Variants in AREL1 observed in about 807,000 individuals in gnomAD.
AREL1 encodes apoptosis resistant E3 ubiquitin protein ligase 1, also known as apoptosis-resistant E3 ubiquitin protein ligase 1.
AREL1 carries 62 observed loss-of-function variants against 99.0 expected under a neutral mutation model. That is an observed-to-expected ratio of 0.63 (90% CI 0.51 to 0.77). The LOEUF (loss-of-function observed/expected upper bound fraction) is 0.77. Among genes scored for constraint, AREL1 ranks in the 30% least tolerant of loss-of-function variants. AREL1 has a pLI of 0.00. For synonymous variants in AREL1, 380 were observed against 376.5 expected (o/e 1.01, Z -0.11); for missense variants, 879 against 1,027.6 (o/e 0.86, Z 1.98).
intron 1 of AREL1, among the ~76,000 whole-genome samples, chr14:74,697,913 T>C (rs968161398): frequency 5.9e-5 from 9 of 152,274 alleles, no homozygotes; most frequent in South Asian, 2.1e-4. Flanking sequence ...TGGGGCATGC[T>C]AGAATGTGCT....
In AREL1 at chr14:74,683,382, A is replaced by C. The variant is rs762333583; in HGVS notation, c.395T>G (p.Val132Gly). The C allele has an allele frequency of 1.8e-5, 29 of 1,614,186 alleles. No individual in the cohort carries two copies. The highest frequency in any genetic ancestry group is 2.4e-5 in the Non-Finnish European group (28 of 1,180,034). The change falls in exon 5 of 20, where the codon GTG becomes GGG. Residue 132 changes from valine (V) to glycine (G), a missense_variant. Transcript: ENST00000356357. ...NSNVVKVAFT[V>G]RKAGRYEITV... ...GATTTCATAACGCCCAGCCTTGCGC[A>C]CAGTGAAGGCCACTTTTACTACGTT...
intron 11 of AREL1, chr14:74,672,149 G>T: frequency 3.3e-6 from 1 of 307,460 alleles, no homozygotes; most frequent in Non-Finnish European, 6.9e-6. Context: ...CTCTATTCCA[G>T]GGATTCAATA....
rs999503539 is a variant in AREL1 at position 74,663,077 on chromosome 14, C to T, written c.*643G>A. On this transcript the variant is annotated 3_prime_UTR_variant, in exon 20 of 20. Transcript: ENST00000356357. ...CTTCTTTGTGGATTAATAATCATTT[C>T]CAGAAATGCCCGAAGGGAAAGTGCT... 6.3e-6 allele frequency: 1 copy of T among 158,626 alleles called. No homozygotes were observed. Among genetic ancestry groups the T allele is most frequent in the Non-Finnish European group, 1.4e-5 (1 of 72,242 alleles). The allele number at this position is 158,626 out of a possible 1,614,324, so 9.8% of individuals were successfully genotyped here. A position where few individuals can be genotyped will look rare whatever the true frequency, so the allele number is the denominator to read the frequency against.
Position 74,675,805 on chromosome 14 carries a change from C to T in AREL1, c.974G>A (p.Arg325Gln), listed in dbSNP as rs1463904347. 1.3e-5 allele frequency: 21 copies of T among 1,614,062 alleles called. No homozygotes were observed. The highest frequency in any genetic ancestry group is 4.5e-5 in the East Asian group (2 of 44,876). Residue 325 changes from arginine (R) to glutamine (Q), a missense_variant, in exon 8 of 20, where the codon CGG becomes CAG. Arg to Gln is a conservative substitution (Grantham distance 43). Transcript: ENST00000356357. ...PPMHMTSSQR[R>Q]PSTAVDEEDE... ...TTCCTCGTCAACAGCAGTGGATGGC[C>T]GGCGCTGGGAAGAGGTCATGTGCAT...
At chr14:74,677,087 CCA>C (rs2089502239) in intron 5 of AREL1, among the ~76,000 whole-genome samples, 1 of 151,902 alleles carries the variant, frequency 6.6e-6, no homozygotes, top group Non-Finnish European at 1.5e-5. Context: ...GCGTGAGCCA[CCA>C]CGCCCGGCTG....
intron 2 of AREL1, among the ~76,000 whole-genome samples, chr14:74,688,022 T>A (rs2089786008): frequency 7.2e-6 from 1 of 139,364 alleles, no homozygotes; most frequent in Middle Eastern, 3.3e-3. Flanking sequence ...GTACTTACTT[T>A]TTTTTTTTTT....
At position 74,669,794 on chromosome 14, in the gene AREL1, C is replaced by T. The variant is rs1211043753; in HGVS notation, c.1789-20G>A. ...AAAGTACTGAGGAGGCAGAAAGACA[C>T]AGAACAGAACATGAATACTCTTGCC... On this transcript the variant is annotated intron_variant, in intron 14 of 19. Coordinates refer to ENST00000356357, the MANE Select transcript of AREL1 (RefSeq NM_001039479.2). 2 of 1,613,548 alleles carry T rather than the reference C, an allele frequency of 1.2e-6. No individual in the cohort carries two copies. The highest frequency in any genetic ancestry group is 1.3e-5 in the African/African-American group (1 of 74,924).
rs967396317 is a variant in AREL1, at chr14:74,676,854, T to G, written c.482-102A>C. ...CTCTTTCGCCCAGGCTGGAGTGCAG[T>G]GGCGCAATCTCGGCTCACTGCAAGC... is the stretch of plus-strand genomic sequence containing the variant. On this transcript the variant is annotated intron_variant, in intron 5 of 19. Coordinates refer to ENST00000356357, the MANE Select transcript of AREL1 (RefSeq NM_001039479.2). The G allele has an allele frequency of 2.5e-5, 24 of 964,538 alleles. No individual in the cohort carries two copies. The Admixed American group carries it at 6.2e-4, about 25-fold the overall frequency. The allele number at this position is 964,538 out of a possible 1,614,324, so 59.7% of individuals were successfully genotyped here. A position where few individuals can be genotyped will look rare whatever the true frequency, so the allele number is the denominator to read the frequency against.
chr14:74,702,727 A>T (rs1346418782), intron 1 of AREL1, among the ~76,000 whole-genome samples: 3 of 152,122 alleles, frequency 2.0e-5, no homozygotes, highest in Admixed American at 6.6e-5. Flanking sequence ...CAGGCTGCAA[A>T]TTTTCCAAAC....
intron 8 of AREL1, 53 bp from the exon 9 acceptor site, chr14:74,674,164 T>C: frequency 6.9e-7 from 1 of 1,450,014 alleles, no homozygotes; most frequent in East Asian, 2.3e-5. Context: ...AAAGGCTCTA[T>C]TTGGGTATTC....
chr14:74,682,862 C>T (rs1174272708), intron 5 of AREL1, among the ~76,000 whole-genome samples: 4 of 152,260 alleles, frequency 2.6e-5, no homozygotes, highest in Non-Finnish European at 5.9e-5. Context: ...GTGGAAGCTT[C>T]GCGAGGCCTC....
chr14:74,703,198 T>G (rs1056949931), intron 1 of AREL1, among the ~76,000 whole-genome samples: 11 of 152,192 alleles, frequency 7.2e-5, no homozygotes, highest in Non-Finnish European at 1.3e-4. Flanking sequence ...AAAGGTTGAA[T>G]GGACTCACAG....
chr14:74,707,241 G>A (rs184449455), intron 1 of AREL1, among the ~76,000 whole-genome samples: 34 of 151,912 alleles, frequency 2.2e-4, no homozygotes, highest in African/African-American at 7.0e-4. Context: ...GGTGGCAGGC[G>A]CCTGTAATCC....
chr14:74,681,309 AACT>A (rs2089621485), intron 5 of AREL1, among the ~76,000 whole-genome samples: 1 of 152,208 alleles, frequency 6.6e-6, no homozygotes, highest in Non-Finnish European at 1.5e-5. Flanking sequence ...AAAAGGAACC[AACT>A]ACTGATACAC....
chr14:74,712,707 G>A (rs1397845024), intron 1 of AREL1: 1 of 291,692 alleles, frequency 3.4e-6, no homozygotes, highest in Admixed American at 4.6e-5. Context: ...CCACCTAGCT[G>A]CACAAAGCAC....
chr14:74,670,143 C>T lies in AREL1; in HGVS notation c.1609-17G>A. Reference sequence around the variant, plus strand: ...GGGATGCACCTGTCCAAGAAAGAGACTGAAAGGCCCTGGGCCATTTTTCTT... The same window carrying T: ...GGGATGCACCTGTCCAAGAAAGAGATTGAAAGGCCCTGGGCCATTTTTCTT... On this transcript the variant is annotated splice_polypyrimidine_tract_variant and intron_variant, in intron 13 of 19. Coordinates refer to ENST00000356357, the MANE Select transcript of AREL1 (RefSeq NM_001039479.2). 1 of 1,569,958 alleles carries T rather than the reference C, an allele frequency of 6.4e-7. No individual in the cohort carries two copies. Among genetic ancestry groups the T allele is most frequent in the Non-Finnish European group, 8.7e-7 (1 of 1,155,752 alleles).
At chr14:74,676,822 A>G (rs2089491476) in intron 5 of AREL1, 70 bp from the exon 6 acceptor site, 2 of 1,248,698 alleles carry the variant, frequency 1.6e-6, no homozygotes, top group Admixed American at 3.3e-5. Flanking sequence ...TTTGAGATGG[A>G]GTCTCGCTCT....
chr14:74,671,283 GT>G (rs201903994), intron 12 of AREL1, 124 bp downstream of exon 12: 3,847 of 296,446 alleles, frequency 0.013, 14 homozygotes, highest in South Asian at 0.038. Context: ...AAAAACCTAG[GT>G]TTTTTTTTTT....
rs1488349338 is a variant in AREL1, at chr14:74,671,384, T to C, written c.1498+24A>G. 1.5e-5 allele frequency: 15 copies of C among 1,031,632 alleles called. No individual in the cohort carries two copies. The Middle Eastern group carries it at 3.3e-3, about 228-fold the overall frequency. The allele number at this position is 1,031,632 out of a possible 1,614,324, so 63.9% of individuals were successfully genotyped here. ...GAGTGGGGAGGAGAGTTCAAAAAGA[T>C]GAATATAAAATTTCAAAACTGACCT... On this transcript the variant is annotated intron_variant, in intron 12 of 19. Transcript: ENST00000356357.
Sources: gnomAD v4.1 joint callset for allele counts (sites outside exome capture counted in the v4.1 genomes callset) on GRCh38, gnomAD v4.1.1 for gene constraint, MANE v1.5 for transcripts, NCBI Gene and HGNC (gene_info 2026-07-23, HGNC 2026-07-21) for gene names.